H3-3B: variants seen among roughly 807,000 people sequenced by gnomAD.
H3-3B encodes the protein H3.3 histone B, also known as histone H3.3.
A neutral mutation model predicts 13.1 loss-of-function variants in H3-3B; 2 were observed. The observed-to-expected ratio is 0.15, with a 90% CI of 0.06 to 0.48. The LOEUF is 0.48. Ranked by LOEUF, H3-3B falls within the 20% of genes least tolerant of loss-of-function variation. H3-3B has a pLI of 0.97. For missense variants in H3-3B, 39 were observed against 186.0 expected, an observed-to-expected ratio of 0.21 and a Z score of 4.60; for synonymous variants, 133 against 75.8, an observed-to-expected ratio of 1.76 and a Z score of -3.92.
In H3-3B at chr17:75,777,170, C is replaced by CT. The variant is rs1419976135; in HGVS notation, c.*1424dup. The CT allele has an allele frequency of 2.0e-5, 3 of 152,162 alleles. No individual in the cohort carries two copies. The highest frequency in any genetic ancestry group is 4.4e-5 in the Non-Finnish European group (3 of 68,044). 9.4% of individuals were successfully genotyped at this position (152,162 alleles called of 1,614,324 possible). A position where few individuals can be genotyped will look rare whatever the true frequency, so the allele number is the denominator to read the frequency against. On this transcript the variant is annotated 3_prime_UTR_variant, in exon 4 of 4. Coordinates refer to ENST00000254810, the MANE Select transcript of H3-3B (RefSeq NM_005324.5). ...ACTGGTTTCATACTGAAGTTTAAGA[C>CT]TGAGTTCTACACCTGTGGGCTTCTA...
rs752064798 is a variant in H3-3B at position 75,778,580 on chromosome 17, A to G, written c.*15T>C. ...TACAGAATTTACTACAAAACGCCAT[A>G]AAAACTGCCTTCACTTAAGCTCTCT... On this transcript the variant is annotated 3_prime_UTR_variant, in exon 4 of 4. Transcript: ENST00000254810. 2.6e-5 allele frequency: 42 copies of G among 1,603,380 alleles called. No individual in the cohort carries two copies. The highest frequency in any genetic ancestry group is 4.0e-5 in the African/African-American group (3 of 74,488).
At position 75,777,632 on chromosome 17, in the gene H3-3B, G is replaced by A. The variant is rs527358352; in HGVS notation, c.*963C>T. On this transcript the variant is annotated 3_prime_UTR_variant, in exon 4 of 4. Coordinates refer to ENST00000254810, the MANE Select transcript of H3-3B (RefSeq NM_005324.5). ...TAATTGGCAGAGGTTCAGTGGGCTG[G>A]AGTTTTGTGCTCCTCCCCCACACCA... 5 of 152,304 alleles carry A rather than the reference G, an allele frequency of 3.3e-5. No homozygotes were observed. The highest frequency in any genetic ancestry group is 1.2e-4 in the African/African-American group (5 of 41,430). The allele number at this position is 152,304 out of a possible 1,614,324, so 9.4% of individuals were successfully genotyped here. A position where few individuals can be genotyped will look rare whatever the true frequency, so the allele number is the denominator to read the frequency against.
At chr17:75,779,000 G>A (rs2061652675) in intron 2 of H3-3B, 37 bp from the exon 3 acceptor site, 1 of 1,612,784 alleles carries the variant, frequency 6.2e-7, no homozygotes, top group Non-Finnish European at 8.5e-7. Context: ...GGACGCTGCC[G>A]CACAAAGCCG....
intron 1 of H3-3B, 49 bp downstream of exon 1, chr17:75,779,608 C>T: frequency 6.4e-6 from 1 of 155,492 alleles, no homozygotes. Context: ...GCGCGCGGCG[C>T]CAACGGTTGG....
In H3-3B at chr17:75,778,807, T is replaced by C. The variant is rs369866281; in HGVS notation, c.282+3A>G. On this transcript the variant is annotated splice_donor_region_variant and intron_variant, in intron 3 of 3. Coordinates refer to ENST00000254810, the MANE Select transcript of H3-3B (RefSeq NM_005324.5). ...CTCCCCCGGCTCCAGGCCTTTGTCTTACCTGCAGCGCACCGATGGCTGCGC... is the reference window on the plus strand; with the variant it reads ...CTCCCCCGGCTCCAGGCCTTTGTCTCACCTGCAGCGCACCGATGGCTGCGC... 4 of 1,614,112 alleles carry C rather than the reference T, an allele frequency of 2.5e-6. No individual in the cohort carries two copies. Among genetic ancestry groups the C allele is most frequent in the East Asian group, 4.5e-5 (2 of 44,882 alleles).
In H3-3B at chr17:75,777,695, C is replaced by A. The variant is rs1407665615; in HGVS notation, c.*900G>T. 1 of 152,418 alleles carries A rather than the reference C, an allele frequency of 6.6e-6. No homozygotes were observed. Among genetic ancestry groups the A allele is most frequent in the African/African-American group, 2.4e-5 (1 of 41,452 alleles). The allele number at this position is 152,418 out of a possible 1,614,324, so 9.4% of individuals were successfully genotyped here. ...ACAAATGCCACAAGAAAAAGAACTT[C>A]GGTACTGTTTCCTCAGCAGAGGAGA... is the stretch of plus-strand genomic sequence containing the variant. On this transcript the variant is annotated 3_prime_UTR_variant, in exon 4 of 4. Coordinates refer to ENST00000254810, the MANE Select transcript of H3-3B (RefSeq NM_005324.5).
rs1486517462 is a variant in H3-3B at position 75,776,850 on chromosome 17, G to A, written c.*1745C>T. On this transcript the variant is annotated 3_prime_UTR_variant, in exon 4 of 4. Coordinates refer to ENST00000254810, the MANE Select transcript of H3-3B (RefSeq NM_005324.5). ...TCTTAATCTCATTCTGAAGCACAGT[G>A]AGGAATCAAGTGTGCTTGTTCCAGA... is the stretch of plus-strand genomic sequence containing the variant. 6.6e-6 allele frequency: 1 copy of A among 152,168 alleles called. No homozygotes were observed. The highest frequency in any genetic ancestry group is 6.5e-5 in the Admixed American group (1 of 15,270). 9.4% of individuals were successfully genotyped at this position (152,168 alleles called of 1,614,324 possible). A position where few individuals can be genotyped will look rare whatever the true frequency, so the allele number is the denominator to read the frequency against.
Position 75,778,658 on chromosome 17 carries a change from C to T in H3-3B, c.348G>A (p.Lys116=). The T allele has an allele frequency of 1.2e-6, 2 of 1,614,240 alleles. No homozygotes were observed. The highest frequency in any genetic ancestry group is 1.7e-6 in the Non-Finnish European group (2 of 1,180,044). The stretch of plus-strand genomic sequence containing the variant: ...TGTCTTTGGGCATGATGGTGACTCT[C>T]TTAGCGTGGATGGCACACAGGTTGG... ...EDTNLCAIHA[K]RVTIMPKDIQ... Residue 116 remains lysine, a synonymous_variant, in exon 4 of 4, where the codon AAG becomes AAA. Transcript: ENST00000254810.
chr17:75,777,848 T>C lies in H3-3B; in HGVS notation c.*747A>G, dbSNP rs572341391. ...TTTTCTAGAGCCCTTATAAATAAAA[T>C]CCCCCAGTTAGTGTTTGCATTATCA... On this transcript the variant is annotated 3_prime_UTR_variant, in exon 4 of 4. Coordinates refer to ENST00000254810, the MANE Select transcript of H3-3B (RefSeq NM_005324.5). 1.3e-5 allele frequency: 2 copies of C among 152,618 alleles called. No homozygotes were observed. Among genetic ancestry groups the C allele is most frequent in the African/African-American group, 2.4e-5 (1 of 41,546 alleles). 9.5% of individuals were successfully genotyped at this position (152,618 alleles called of 1,614,324 possible).
In H3-3B at chr17:75,778,906, G is replaced by A. The variant is rs568882617; in HGVS notation, c.186C>T (p.Leu62=). ...ACCTCTGGAAGGGCAGCTTCCGGAT[G>A]AGCAGCTCGGTCGACTTCTGATAAC... ...IRRYQKSTEL[L]IRKLPFQRLV... is the part of the protein sequence containing the mutation. Residue 62 remains leucine, a synonymous_variant, in exon 3 of 4, where the codon CTC becomes CTT. Transcript: ENST00000254810. The A allele has an allele frequency of 3.0e-5, 49 of 1,614,068 alleles. No homozygotes were observed. Among genetic ancestry groups the A allele is most frequent in the East Asian group, 4.5e-5 (2 of 44,898 alleles).
Position 75,778,974 on chromosome 17 carries a change from C to G in H3-3B, c.129-11G>C, listed in dbSNP as rs775518127. 208 of 1,613,924 alleles carry G rather than the reference C, an allele frequency of 1.3e-4. No individual in the cohort carries two copies. The highest frequency in any genetic ancestry group is 3.3e-4 in the Admixed American group (20 of 59,996). On this transcript the variant is annotated splice_polypyrimidine_tract_variant and intron_variant, in intron 2 of 3. Coordinates refer to ENST00000254810, the MANE Select transcript of H3-3B (RefSeq NM_005324.5). ...GCCACGGTCCCGGGCCTGCAGCGAG[C>G]AGGGGAGGAGTGAGCGGACGCTGCC...
At chr17:75,779,006 AG>A in intron 2 of H3-3B, 40 bp downstream of exon 2, 1 of 1,612,518 alleles carries the variant, frequency 6.2e-7, no homozygotes, top group Non-Finnish European at 8.5e-7. Context: ...TGCCGCACAA[AG>A]CCGGCCACCG....
chr17:75,776,753 ACT>A lies in H3-3B; in HGVS notation c.*1840_*1841del, dbSNP rs796339408. On this transcript the variant is annotated 3_prime_UTR_variant, in exon 4 of 4. Coordinates refer to ENST00000254810, the MANE Select transcript of H3-3B (RefSeq NM_005324.5). ...TGTCACAGGTAGTAAGCAGAAGCTAACTCATCACCGTAGCCAGGTTTGTGTAC... is the reference window on the plus strand; with the variant it reads ...TGTCACAGGTAGTAAGCAGAAGCTAACATCACCGTAGCCAGGTTTGTGTAC... The A allele has an allele frequency of 1.9e-4, 29 of 152,344 alleles. No homozygotes were observed. Among genetic ancestry groups the A allele is most frequent in the African/African-American group, 6.5e-4 (27 of 41,566 alleles). 9.4% of individuals were successfully genotyped at this position (152,344 alleles called of 1,614,324 possible).
chr17:75,779,229 C>T (rs2061653995), intron 1 of H3-3B, 45 bp from the exon 2 acceptor site: 3 of 1,442,370 alleles, frequency 2.1e-6, no homozygotes, highest in Non-Finnish European at 2.7e-6. Flanking sequence ...CTCACCCGGG[C>T]CGCCCCCCAG....
intron 1 of H3-3B, 47 bp from the exon 2 acceptor site, chr17:75,779,231 G>GC (rs2061654036): frequency 2.8e-6 from 4 of 1,426,084 alleles, no homozygotes; most frequent in South Asian, 1.6e-5. Context: ...CACCCGGGCC[G>GC]CCCCCCAGGG....
rs755995390 is a variant in H3-3B at position 75,776,558 on chromosome 17, G to A, written c.*2037C>T. The A allele has an allele frequency of 6.6e-6, 1 of 152,130 alleles. No homozygotes were observed. Among genetic ancestry groups the A allele is most frequent in the South Asian group, 2.1e-4 (1 of 4,822 alleles). 9.4% of individuals were successfully genotyped at this position (152,130 alleles called of 1,614,324 possible). A position where few individuals can be genotyped will look rare whatever the true frequency, so the allele number is the denominator to read the frequency against. The stretch of plus-strand genomic sequence containing the variant: ...CCTTACCGAGGGATATCCCATACAG[G>A]AAGCCGCCTACAACCAAAAGCTATC... On this transcript the variant is annotated 3_prime_UTR_variant, in exon 4 of 4. Transcript: ENST00000254810.
At chr17:75,779,367 A>T (rs941249098) in intron 1 of H3-3B, 183 bp from the exon 2 acceptor site, 2 of 528,774 alleles carry the variant, frequency 3.8e-6, no homozygotes, top group Non-Finnish European at 2.9e-6. Flanking sequence ...TCAGGCTGCG[A>T]GGAGCGGCAG....
Position 75,778,841 on chromosome 17 carries a change from C to T in H3-3B, c.251G>A (p.Arg84Lys), listed in dbSNP as rs1253319640. The change falls in exon 3 of 4, where the codon AGG (arginine) becomes AAG (lysine). Residue 84 changes from arginine to lysine, a missense_variant. Arg to Lys is a conservative substitution (Grantham distance 26, BLOSUM62 2). Transcript: ENST00000254810. ...EIAQDFKTDL[R>K]FQSAAIGALQ... ...CGCACCGATGGCTGCGCTCTGAAAC[C>T]TCAGGTCGGTTTTGAAATCCTGCGC... is the stretch of plus-strand genomic sequence containing the variant. 6.2e-7 allele frequency: 1 copy of T among 1,614,086 alleles called. No homozygotes were observed. Among genetic ancestry groups the T allele is most frequent in the Admixed American group, 1.7e-5 (1 of 60,014 alleles).
Position 75,776,493 on chromosome 17 carries a change from C to G in H3-3B, c.*2102G>C, listed in dbSNP as rs1334153388. 6.6e-6 allele frequency: 1 copy of G among 152,224 alleles called. No homozygotes were observed. Among genetic ancestry groups the G allele is most frequent in the Non-Finnish European group, 1.5e-5 (1 of 68,042 alleles). 9.4% of individuals were successfully genotyped at this position (152,224 alleles called of 1,614,324 possible). On this transcript the variant is annotated 3_prime_UTR_variant, in exon 4 of 4. Transcript: ENST00000254810. ...CAAGGGCATAGGATACCTGCATCAGCTGCAACTTCTGCTTTTCTCCTTTGC... is the reference window on the plus strand; with the variant it reads ...CAAGGGCATAGGATACCTGCATCAGGTGCAACTTCTGCTTTTCTCCTTTGC...
Sources: allele counts gnomAD v4.1 joint callset, GRCh38; gene constraint gnomAD v4.1.1; transcripts MANE v1.5; gene names NCBI Gene and HGNC (gene_info 2026-07-23, HGNC 2026-07-21).